The following CLIC6 variants were observed in gnomAD, a reference collection of about 807,000 sequenced individuals.
CLIC6 encodes chloride intracellular channel protein 6.
A neutral mutation model predicts 49.2 loss-of-function variants in CLIC6; 39 were observed. That is an observed-to-expected ratio of 0.79 (90% CI 0.61 to 1.04). The LOEUF is 1.04. Ranked by LOEUF, CLIC6 falls within the 50% of genes least tolerant of loss-of-function variation. The pLI, the probability that CLIC6 is intolerant of heterozygous loss-of-function variation, is 0.00. For missense variants in CLIC6, 988 were observed against 993.1 expected (o/e 0.99, Z 0.07); for synonymous variants, 446 against 433.4 (o/e 1.03, Z -0.36).
chr21:34,706,613 A>G (rs975222818), intron 1 of CLIC6, among the ~76,000 whole-genome samples: 15 of 152,090 alleles, frequency 9.9e-5, no homozygotes, highest in African/African-American at 3.4e-4. Flanking sequence ...TCTTCCAGGG[A>G]CATCTGCTGT....
intron 1 of CLIC6, among the ~76,000 whole-genome samples, chr21:34,688,946 C>T (rs1001631963): frequency 1.3e-4 from 20 of 152,126 alleles, no homozygotes; most frequent in Admixed American, 1.0e-3. Context: ...ATAGGTTTGG[C>T]GTGGTGGTGT....
chr21:34,709,971 A>C (rs1320947529), intron 5 of CLIC6, among the ~76,000 whole-genome samples: 9 of 152,168 alleles, frequency 5.9e-5, no homozygotes, highest in Non-Finnish European at 1.0e-4. Flanking sequence ...GTGTTCTATT[A>C]GCTTTTAACA....
chr21:34,681,812 G>C (rs1601263424), intron 1 of CLIC6, among the ~76,000 whole-genome samples: 1 of 152,152 alleles, frequency 6.6e-6, no homozygotes, highest in Non-Finnish European at 1.5e-5. Flanking sequence ...ACTAAGTCCA[G>C]TCCTCAAGGA....
rs1282543694 is a variant in CLIC6, at chr21:34,708,001, T to C, written c.1542T>C (p.Phe514=). 6.2e-7 allele frequency: 1 copy of C among 1,614,044 alleles called. No individual in the cohort carries two copies. Among genetic ancestry groups the C allele is most frequent in the Middle Eastern group, 1.6e-4 (1 of 6,062 alleles). Residue 514 remains phenylalanine (F), a synonymous_variant, in exon 3 of 6, where the codon TTT becomes TTC. Coordinates refer to ENST00000349499, the MANE Select transcript of CLIC6 (RefSeq NM_053277.3). The part of the protein sequence containing the change: ...APGTNPPFMT[F]DGEVKTDVNK... ...GAACAAACCCTCCTTTCATGACTTT[T>C]GATGGTGAAGTCAAGACGGATGTGA...
intron 5 of CLIC6, among the ~76,000 whole-genome samples, chr21:34,713,520 A>T (rs866155299): frequency 6.6e-6 from 1 of 152,188 alleles, no homozygotes; most frequent in Non-Finnish European, 1.5e-5. Flanking sequence ...TGGTTTTGGC[A>T]TGTGGAATGT....
In CLIC6 at chr21:34,669,741, A is replaced by G; in HGVS notation, c.353A>G (p.Gln118Arg). The G allele has an allele frequency of 7.2e-7, 1 of 1,384,224 alleles. No individual in the cohort carries two copies. Among genetic ancestry groups the G allele is most frequent in the Non-Finnish European group, 9.3e-7 (1 of 1,079,308 alleles). 85.7% of individuals were successfully genotyped at this position (1,384,224 alleles called of 1,614,324 possible). Reference sequence around the variant, plus strand: ...GGGGCGAGCCCGGGACGCGGCGCGCAGGGCGAGCCCCGCGGGGAGGCTCAG... The same window carrying G: ...GGGGCGAGCCCGGGACGCGGCGCGCGGGGCGAGCCCCGCGGGGAGGCTCAG... Reference protein sequence around the residue: ...VEGASPGRGAQGEPRGEAQRE... With the variant: ...VEGASPGRGARGEPRGEAQRE... Residue 118 changes from glutamine to arginine, a missense_variant, in exon 1 of 6, where the codon CAG (glutamine) becomes CGG (arginine). By Grantham distance (43) the Gln-to-Arg change is conservative (BLOSUM62 1). Transcript: ENST00000349499.
chr21:34,712,939 C>T (rs143154053), intron 5 of CLIC6, among the ~76,000 whole-genome samples: 4 of 152,314 alleles, frequency 2.6e-5, no homozygotes, highest in Non-Finnish European at 4.4e-5. Context: ...TAATGTGTCT[C>T]TCTGGGGCAG....
intron 2 of CLIC6, 116 bp from the exon 3 acceptor site, chr21:34,707,828 T>C (rs2056026150): frequency 9.7e-7 from 1 of 1,032,844 alleles, no homozygotes; most frequent in Non-Finnish European, 1.4e-6. Flanking sequence ...ACCCACCATC[T>C]ACTTTGCAGT....
In CLIC6 at chr21:34,669,686, G is replaced by C. The variant is rs1163717143; in HGVS notation, c.298G>C (p.Glu100Gln). The C allele has an allele frequency of 7.3e-7, 1 of 1,366,820 alleles. No individual in the cohort carries two copies. Among genetic ancestry groups the C allele is most frequent in the Non-Finnish European group, 9.4e-7 (1 of 1,068,048 alleles). The allele number at this position is 1,366,820 out of a possible 1,614,324, so 84.7% of individuals were successfully genotyped here. ...GGGTGCCGAGGTGCCCCAAGGAGGGGAGGAGACAAGCGGCGCGCAGCAGGT... is the reference window on the plus strand; with the variant it reads ...GGGTGCCGAGGTGCCCCAAGGAGGGCAGGAGACAAGCGGCGCGCAGCAGGT... ...PEGAEVPQGG[E>Q]ETSGAQQVEG... is the part of the protein sequence containing the mutation. The change falls in exon 1 of 6, where the codon GAG becomes CAG. Residue 100 changes from glutamate to glutamine, a missense_variant. Physicochemically the swap from Glu to Gln is conservative, Grantham distance 29. This residue lies in a region of CLIC6 where 284 missense variants were observed against 278.6 expected (regional missense o/e 1.02). Transcript: ENST00000349499.
Position 34,716,318 on chromosome 21 carries a change from C to T in CLIC6, c.1900-3C>T, listed in dbSNP as rs1181184418. ...TTACTGATCATTTTCTCTTCATTTTCAGATTGTGGCCAAGAAGTACAGAGA... is the reference window on the plus strand; with the variant it reads ...TTACTGATCATTTTCTCTTCATTTTTAGATTGTGGCCAAGAAGTACAGAGA... On this transcript the variant is annotated splice_region_variant and splice_polypyrimidine_tract_variant and intron_variant, in intron 5 of 5. Transcript: ENST00000349499. 6.2e-7 allele frequency: 1 copy of T among 1,609,082 alleles called. No individual in the cohort carries two copies. Among genetic ancestry groups the T allele is most frequent in the African/African-American group, 1.3e-5 (1 of 74,638 alleles).
rs769833003 is a variant in CLIC6 at position 34,670,491 on chromosome 21, G to A, written c.1103G>A (p.Gly368Glu). 2.5e-5 allele frequency: 38 copies of A among 1,494,440 alleles called. No individual in the cohort carries two copies. The highest frequency in any genetic ancestry group is 3.3e-5 in the Non-Finnish European group (37 of 1,122,038). 92.6% of individuals were successfully genotyped at this position (1,494,440 alleles called of 1,614,324 possible). A position where few individuals can be genotyped will look rare whatever the true frequency, so the allele number is the denominator to read the frequency against. Residue 368 changes from glycine to glutamate, a missense_variant, in exon 1 of 6, where the codon GGG becomes GAG. Physicochemically the swap from Gly to Glu is moderately conservative, Grantham distance 98. Around this residue, in one of 3 missense-constraint regions of CLIC6, gnomAD observed 647 missense variants for 596.9 expected, o/e 1.08. Coordinates refer to ENST00000349499, the MANE Select transcript of CLIC6 (RefSeq NM_053277.3). ...RVGDGPQQEP[G>E]EDEERRERSP... ...GGGGATGGGCCACAGCAGGAGCCGG[G>A]GGAGGACGAAGAGAGACGAGAGCGG... is the stretch of plus-strand genomic sequence containing the variant.
At position 34,716,342 on chromosome 21, in the gene CLIC6, G is replaced by T. The variant is rs781488184; in HGVS notation, c.1921G>T (p.Asp641Tyr). 2 of 1,612,622 alleles carry T rather than the reference G, an allele frequency of 1.2e-6. No homozygotes were observed. Among genetic ancestry groups the T allele is most frequent in the Non-Finnish European group, 1.7e-6 (2 of 1,179,668 alleles). The change falls in exon 6 of 6, where the codon GAT (aspartate) becomes TAT (tyrosine). Residue 641 changes from aspartate to tyrosine, a missense_variant. Asp to Tyr is a radical substitution (Grantham distance 160). Coordinates refer to ENST00000349499, the MANE Select transcript of CLIC6 (RefSeq NM_053277.3). ...TCAGATTGTGGCCAAGAAGTACAGAGATTTTGAATTTCCTTCTGAAATGAC... is the reference window on the plus strand; with the variant it reads ...TCAGATTGTGGCCAAGAAGTACAGATATTTTGAATTTCCTTCTGAAATGAC... ...IIKIVAKKYR[D>Y]FEFPSEMTGI...
chr21:34,686,610 G>C (rs1989884232), intron 1 of CLIC6, among the ~76,000 whole-genome samples: 1 of 152,164 alleles, frequency 6.6e-6, no homozygotes, highest in Non-Finnish European at 1.5e-5. Flanking sequence ...GTGATGCTGG[G>C]TGATTTTTGT....
chr21:34,697,239 T>A (rs1990104155), intron 1 of CLIC6, among the ~76,000 whole-genome samples: 1 of 152,016 alleles, frequency 6.6e-6, no homozygotes, highest in Non-Finnish European at 1.5e-5. Flanking sequence ...TTTAACTGCA[T>A]CTCTAGTTGA....
chr21:34,702,830 C>A (rs922376524), intron 1 of CLIC6, among the ~76,000 whole-genome samples: 1 of 152,208 alleles, frequency 6.6e-6, no homozygotes, highest in Non-Finnish European at 1.5e-5. Flanking sequence ...TCTGGCTTTT[C>A]ATCAGTTTGG....
At chr21:34,692,265 G>A (rs1990009000) in intron 1 of CLIC6, among the ~76,000 whole-genome samples, 1 of 152,220 alleles carries the variant, frequency 6.6e-6, no homozygotes, top group South Asian at 2.1e-4. Context: ...CAACTCATGG[G>A]GAGGTTAGAG....
intron 1 of CLIC6, among the ~76,000 whole-genome samples, chr21:34,679,387 CTTGGGT>C (rs1472123493): frequency 6.6e-5 from 10 of 152,174 alleles, no homozygotes; most frequent in Non-Finnish European, 1.2e-4. Flanking sequence ...ACACTTGACA[CTTGGGT>C]ATTATTACAA....
chr21:34,693,222 T>A (rs1335739299), intron 1 of CLIC6, among the ~76,000 whole-genome samples: 1 of 152,194 alleles, frequency 6.6e-6, no homozygotes, highest in Non-Finnish European at 1.5e-5. Flanking sequence ...AAAGACCAGC[T>A]TGTCCTAGTT....
At chr21:34,695,548 G>A (rs1990074888) in intron 1 of CLIC6, among the ~76,000 whole-genome samples, 1 of 152,158 alleles carries the variant, frequency 6.6e-6, no homozygotes. Context: ...GTCATTCCAG[G>A]CCATGGCCAG....
Sources: allele counts gnomAD v4.1 joint callset (sites outside exome capture counted in the v4.1 genomes callset), GRCh38; gene constraint gnomAD v4.1.1; regional missense constraint gnomAD v4.1.1; transcripts MANE v1.5; gene names NCBI Gene and HGNC (gene_info 2026-07-23, HGNC 2026-07-21).